Variants in SEZ6L observed in about 807,000 individuals in gnomAD.
SEZ6L encodes the protein seizure related 6 homolog like, also known as seizure 6-like protein.
A neutral mutation model predicts 106.2 loss-of-function variants in SEZ6L; 37 were observed. That is an observed-to-expected ratio of 0.35 (90% CI 0.27 to 0.46). SEZ6L has a LOEUF of 0.46. Among genes scored for constraint, SEZ6L ranks in the 20% least tolerant of loss-of-function variants. SEZ6L has a pLI of 1.00. For missense variants in SEZ6L, 1,172 were observed against 1,332.8 expected (o/e 0.88, Z 1.88); for synonymous variants, 541 against 570.4 (o/e 0.95, Z 0.73).
At chr22:26,216,328 A>C (rs954139501) in intron 1 of SEZ6L, among the ~76,000 whole-genome samples, 36 of 152,208 alleles carry the variant, frequency 2.4e-4, no homozygotes, top group African/African-American at 8.2e-4. Context: ...ACCTGTCCCC[A>C]AGTGGTGGAT....
chr22:26,234,945 C>T lies in SEZ6L; in HGVS notation c.95-57461C>T, dbSNP rs184214310. 9.2e-5 allele frequency among the ~76,000 whole-genome samples: 14 copies of T among 152,234 alleles called. No homozygotes were observed. In the South Asian group the frequency reaches 1.7e-3, roughly 18 times the overall value. On this transcript the variant is annotated intron_variant, in intron 1 of 16. Transcript: ENST00000248933. Reference sequence around the variant, plus strand: ...AGGAGTTCAACAGGGTAGAGATACCCCCAACGGCTGATACTGGGAGGAATT... The same window carrying T: ...AGGAGTTCAACAGGGTAGAGATACCTCCAACGGCTGATACTGGGAGGAATT...
At chr22:26,321,526 G>T (rs906477873) in intron 9 of SEZ6L, among the ~76,000 whole-genome samples, 1 of 152,198 alleles carries the variant, frequency 6.6e-6, no homozygotes, top group Admixed American at 6.5e-5. Context: ...ACGCCGACAA[G>T]CTTGGCACAC....
intron 1 of SEZ6L, among the ~76,000 whole-genome samples, chr22:26,234,473 A>G (rs1251092915): frequency 6.6e-6 from 1 of 152,164 alleles, no homozygotes; most frequent in Non-Finnish European, 1.5e-5. Flanking sequence ...TTTCTAATTT[A>G]TAGCTCATTG....
intron 12 of SEZ6L, among the ~76,000 whole-genome samples, 195 bp from the exon 13 acceptor site, chr22:26,365,177 G>A (rs1049620426): frequency 1.3e-5 from 2 of 152,174 alleles, no homozygotes; most frequent in African/African-American, 4.8e-5. Flanking sequence ...ATTCTACCTT[G>A]CCTGTATGTA....
At chr22:26,288,334 T>C (rs544670949) in intron 1 of SEZ6L, among the ~76,000 whole-genome samples, 1 of 152,276 alleles carries the variant, frequency 6.6e-6, no homozygotes, top group African/African-American at 2.4e-5. Flanking sequence ...TTTTCAATCA[T>C]CAGCTTCCCA....
intron 1 of SEZ6L, among the ~76,000 whole-genome samples, chr22:26,253,753 A>G (rs897363509): frequency 3.9e-5 from 6 of 152,242 alleles, no homozygotes; most frequent in Non-Finnish European, 8.8e-5. Flanking sequence ...CTGTGTATGT[A>G]TAAAAAACAG....
At chr22:26,184,837 T>G (rs752245372) in intron 1 of SEZ6L, among the ~76,000 whole-genome samples, 1 of 152,118 alleles carries the variant, frequency 6.6e-6, no homozygotes, top group Non-Finnish European at 1.5e-5. Context: ...TCCCAGCACT[T>G]TGGGAGGCTA....
At chr22:26,338,997 C>T (rs149117395) in intron 9 of SEZ6L, among the ~76,000 whole-genome samples, 33 of 151,492 alleles carry the variant, frequency 2.2e-4, no homozygotes, top group Admixed American at 5.3e-4. Context: ...AGCCACTGCA[C>T]CTGGACTCCC....
intron 5 of SEZ6L, among the ~76,000 whole-genome samples, chr22:26,302,248 GC>G (rs1239957600): frequency 4.6e-5 from 7 of 152,120 alleles, no homozygotes; most frequent in Non-Finnish European, 7.3e-5. Context: ...ATAATCCTGA[GC>G]CCCATGCAAA....
chr22:26,185,180 T>C (rs1336623277), intron 1 of SEZ6L, among the ~76,000 whole-genome samples: 2 of 152,112 alleles, frequency 1.3e-5, no homozygotes, highest in Non-Finnish European at 2.9e-5. Flanking sequence ...TGTGAAGGGG[T>C]TAAAAAGAGA....
intron 12 of SEZ6L, among the ~76,000 whole-genome samples, chr22:26,353,890 A>C (rs2083355313): frequency 1.3e-5 from 2 of 152,020 alleles, no homozygotes; most frequent in Non-Finnish European, 2.9e-5. Context: ...TGTCTTCAAC[A>C]TCCTAACCCA....
chr22:26,243,195 A>C (rs986216178), intron 1 of SEZ6L, among the ~76,000 whole-genome samples: 2 of 152,218 alleles, frequency 1.3e-5, no homozygotes, highest in Non-Finnish European at 2.9e-5. Context: ...CTCAATTTCC[A>C]AAAAGTTCAC....
At chr22:26,188,474 C>CCACCATGGG (rs1332805136) in intron 1 of SEZ6L, among the ~76,000 whole-genome samples, 1 of 152,130 alleles carries the variant, frequency 6.6e-6, no homozygotes, top group East Asian at 1.9e-4. Context: ...TGGCCTTCTC[C>CCACCATGGG]CACCATGGGA....
At chr22:26,183,293 G>A (rs1398156543) in intron 1 of SEZ6L, among the ~76,000 whole-genome samples, 1 of 152,192 alleles carries the variant, frequency 6.6e-6, no homozygotes, top group Non-Finnish European at 1.5e-5. Flanking sequence ...GGGATACAGA[G>A]AGAAACAAAA....
chr22:26,327,642 C>CCA (rs2082360275), intron 9 of SEZ6L, among the ~76,000 whole-genome samples: 1 of 145,844 alleles, frequency 6.9e-6, no homozygotes, highest in Non-Finnish European at 1.5e-5. Context: ...ACCACACGCA[C>CCA]CACATGACAC....
chr22:26,383,061 G>A lies in SEZ6L; in HGVS notation c.*2766G>A, dbSNP rs2084458317. 7.5e-6 allele frequency: 1 copy of A among 132,610 alleles called. No individual in the cohort carries two copies. The highest frequency in any genetic ancestry group is 8.2e-5 in the Admixed American group (1 of 12,190). The allele number at this position is 132,610 out of a possible 1,614,324, so 8.2% of individuals were successfully genotyped here. On this transcript the variant is annotated 3_prime_UTR_variant, in exon 17 of 17. Transcript: ENST00000248933. ...TCAACCCTCTTTAGCTTGGAGCTCA[G>A]CTTTTTGCTTTTTTTTTTTTTTTTT...
chr22:26,293,026 C>A lies in SEZ6L; in HGVS notation c.715C>A (p.Pro239Thr), dbSNP rs774698528. 5.6e-6 allele frequency: 9 copies of A among 1,614,170 alleles called. No homozygotes were observed. Among genetic ancestry groups the A allele is most frequent in the Non-Finnish European group, 5.9e-6 (7 of 1,180,032 alleles). The change falls in exon 2 of 17, where the codon CCC (proline) becomes ACC (threonine). Residue 239 changes from proline to threonine, a missense_variant. Pro to Thr is a conservative substitution (Grantham distance 38). Around this residue, in one of 4 missense-constraint regions of SEZ6L, gnomAD observed 494 missense variants for 445.8 expected, o/e 1.11. Transcript: ENST00000248933. ...GGAGGCCCCCCAGGAGGACACCAGC[C>A]CCATGGCCCTGATGGACAAAGGTGA... The part of the protein sequence containing the change: ...AQEAPQEDTS[P>T]MALMDKGENE...
intron 1 of SEZ6L, among the ~76,000 whole-genome samples, chr22:26,253,004 G>T (rs1189728778): frequency 1.3e-5 from 2 of 152,184 alleles, no homozygotes; most frequent in Non-Finnish European, 2.9e-5. Flanking sequence ...TATTAATAGT[G>T]GTAGCAGACA....
chr22:26,277,819 C>T (rs1479707991), intron 1 of SEZ6L, among the ~76,000 whole-genome samples: 1 of 152,196 alleles, frequency 6.6e-6, no homozygotes, highest in Non-Finnish European at 1.5e-5. Context: ...TACACATGAT[C>T]TCTGTCCTCG....
Sources: allele counts gnomAD v4.1 joint callset (sites outside exome capture counted in the v4.1 genomes callset), GRCh38; gene constraint gnomAD v4.1.1; regional missense constraint gnomAD v4.1.1; transcripts MANE v1.5; gene names NCBI Gene and HGNC (gene_info 2026-07-23, HGNC 2026-07-21).